LRMDA: variants seen among roughly 807,000 people sequenced by gnomAD.
LRMDA encodes the protein leucine rich melanocyte differentiation associated, also known as leucine-rich melanocyte differentiation-associated protein.
Under a neutral mutation model 29.8 loss-of-function variants are expected in LRMDA, and 18 were observed. The ratio of observed to expected loss-of-function variants is 0.60; its 90% CI spans 0.42 to 0.90. The LOEUF (loss-of-function observed/expected upper bound fraction) is 0.90. LRMDA is among the 40% of genes least tolerant of loss of function. The pLI is 0.00. For missense variants in LRMDA, 273 were observed against 273.9 expected (o/e 1.00, Z 0.02); for synonymous variants, 125 against 109.4 (o/e 1.14, Z -0.89).
intron 6 of LRMDA, among the ~76,000 whole-genome samples, chr10:76,552,215 T>C (rs74950580): frequency 1.6e-4 from 25 of 152,384 alleles, no homozygotes; most frequent in Non-Finnish European, 3.2e-4. Context: ...CACTAAAATA[T>C]TAATGACAGA....
intron 2 of LRMDA, among the ~76,000 whole-genome samples, chr10:75,876,241 CCTT>C (rs777271796): frequency 1.3e-5 from 2 of 152,172 alleles, no homozygotes; most frequent in Non-Finnish European, 2.9e-5. Flanking sequence ...GAATTGGAAT[CCTT>C]CTTGGGGAGG....
chr10:76,095,746 T>C (rs1041132958), intron 5 of LRMDA, among the ~76,000 whole-genome samples: 1 of 152,230 alleles, frequency 6.6e-6, no homozygotes, highest in Non-Finnish European at 1.5e-5. Flanking sequence ...ATTGTGGTCA[T>C]AATTTGCATT....
chr10:75,540,435 G>A (rs1319477797), intron 2 of LRMDA, among the ~76,000 whole-genome samples: 1 of 152,190 alleles, frequency 6.6e-6, no homozygotes, highest in African/African-American at 2.4e-5. Flanking sequence ...TCATACATTT[G>A]TCCCATGTGT....
chr10:76,557,370 A>G lies in LRMDA; in HGVS notation c.*82A>G. 1 of 1,166,770 alleles carries G rather than the reference A, an allele frequency of 8.6e-7. No homozygotes were observed. The allele number at this position is 1,166,770 out of a possible 1,614,324, so 72.3% of individuals were successfully genotyped here. A position where few individuals can be genotyped will look rare whatever the true frequency, so the allele number is the denominator to read the frequency against. On this transcript the variant is annotated 3_prime_UTR_variant, in exon 7 of 7. Transcript: ENST00000611255. ...AAAAATAAAGAAAACGCTAAAGAAAAAACAATAGCCCACATTGCCTCTCTT... is the reference window on the plus strand; with the variant it reads ...AAAAATAAAGAAAACGCTAAAGAAAGAACAATAGCCCACATTGCCTCTCTT...
intron 2 of LRMDA, among the ~76,000 whole-genome samples, chr10:75,778,574 T>G (rs553092311): frequency 6.6e-6 from 1 of 152,162 alleles, no homozygotes; most frequent in Non-Finnish European, 1.5e-5. Flanking sequence ...GCACCTGTGG[T>G]CAGCTTGGCA....
At chr10:75,769,041 A>C (rs1168079121) in intron 2 of LRMDA, among the ~76,000 whole-genome samples, 1 of 152,216 alleles carries the variant, frequency 6.6e-6, no homozygotes, top group African/African-American at 2.4e-5. Context: ...AGAGACGGGC[A>C]AAGTGTACAT....
intron 2 of LRMDA, among the ~76,000 whole-genome samples, chr10:75,966,772 G>T (rs1273540621): frequency 6.6e-6 from 1 of 152,150 alleles, no homozygotes; most frequent in African/African-American, 2.4e-5. Context: ...GCTATTTATT[G>T]GTTTTGTGAC....
intron 2 of LRMDA, among the ~76,000 whole-genome samples, chr10:75,658,932 C>A (rs370242474): frequency 1.3e-5 from 2 of 152,176 alleles, no homozygotes; most frequent in South Asian, 4.1e-4. Context: ...GGCATTCAAG[C>A]TGAGTGCTGT....
chr10:75,609,210 A>G (rs1480234311), intron 2 of LRMDA, among the ~76,000 whole-genome samples: 2 of 152,144 alleles, frequency 1.3e-5, no homozygotes, highest in Non-Finnish European at 2.9e-5. Context: ...GGCTCCAAAG[A>G]AAAACTCCCT....
chr10:75,596,400 G>C (rs1360025556), intron 2 of LRMDA, among the ~76,000 whole-genome samples: 1 of 152,168 alleles, frequency 6.6e-6, no homozygotes, highest in Non-Finnish European at 1.5e-5. Flanking sequence ...CAGTTAGTTG[G>C]ATGGCCAGTC....
At chr10:75,472,263 T>C (rs974008874) in intron 2 of LRMDA, among the ~76,000 whole-genome samples, 3 of 152,252 alleles carry the variant, frequency 2.0e-5, no homozygotes, top group African/African-American at 7.2e-5. Context: ...CAGACTGTCA[T>C]ATGAATTCCT....
chr10:75,635,662 T>C (rs1378971851), intron 2 of LRMDA, among the ~76,000 whole-genome samples: 2 of 152,126 alleles, frequency 1.3e-5, no homozygotes, highest in Non-Finnish European at 2.9e-5. Flanking sequence ...GCATTTGATT[T>C]GAAGGATGAA....
At chr10:76,265,275 C>T (rs903221460) in intron 5 of LRMDA, among the ~76,000 whole-genome samples, 18 of 152,206 alleles carry the variant, frequency 1.2e-4, no homozygotes, top group Admixed American at 9.2e-4. Flanking sequence ...GGTTGAATAA[C>T]GGTTTGGAGT....
intron 2 of LRMDA, among the ~76,000 whole-genome samples, chr10:75,644,400 C>T (rs149632917): frequency 0.014 from 2,088 of 152,286 alleles, 14 homozygotes; most frequent in Non-Finnish European, 0.02. Flanking sequence ...ACATTTATCA[C>T]GTTCAACCTG....
At chr10:76,232,897 G>C (rs1156569612) in intron 5 of LRMDA, among the ~76,000 whole-genome samples, 1 of 152,138 alleles carries the variant, frequency 6.6e-6, no homozygotes, top group African/African-American at 2.4e-5. Flanking sequence ...GATTGGTTTG[G>C]GGGTATGCAA....
Position 75,598,424 on chromosome 10 carries a change from T to A in LRMDA, c.131+159930T>A, listed in dbSNP as rs540922663. On this transcript the variant is annotated intron_variant, in intron 2 of 6. Transcript: ENST00000611255. ...GTCGTGTCCCTAGCCTGGCCTTACC[T>A]CTCTTTTAAGACAGAAGGCCTCAGC... Among the ~76,000 whole-genome samples, 8 of 152,140 alleles carry A rather than the reference T, an allele frequency of 5.3e-5. No homozygotes were observed. The East Asian group carries it at 1.5e-3, about 29-fold the overall frequency.
chr10:76,485,141 A>G (rs1842769233), intron 6 of LRMDA, among the ~76,000 whole-genome samples: 1 of 151,916 alleles, frequency 6.6e-6, no homozygotes, highest in Non-Finnish European at 1.5e-5. Context: ...TACAGTGATT[A>G]CCGACATAGT....
intron 2 of LRMDA, among the ~76,000 whole-genome samples, chr10:75,622,172 A>G (rs1042955820): frequency 7.2e-5 from 11 of 152,060 alleles, no homozygotes; most frequent in Non-Finnish European, 1.6e-4. Flanking sequence ...TTTTTAGGGG[A>G]ATGTATTTAG....
intron 6 of LRMDA, among the ~76,000 whole-genome samples, chr10:76,419,154 A>G (rs1034459924): frequency 1.3e-5 from 2 of 152,088 alleles, no homozygotes; most frequent in Admixed American, 1.3e-4. Context: ...ATGGGTTTTC[A>G]TAGATATGAA....
Sources: gnomAD v4.1 joint callset for allele counts (sites outside exome capture counted in the v4.1 genomes callset) on GRCh38, gnomAD v4.1.1 for gene constraint, MANE v1.5 for transcripts, NCBI Gene and HGNC (gene_info 2026-07-23, HGNC 2026-07-21) for gene names.